Variants in VASN observed in about 807,000 individuals in gnomAD.
VASN encodes protein slit-like 2.
In VASN, 5 loss-of-function variants were observed where a neutral mutation model predicts 4.8. That is an observed-to-expected ratio of 1.03 (90% CI 0.54 to 2.17). The LOEUF (loss-of-function observed/expected upper bound fraction) is 2.17, where lower values mean the gene tolerates loss of function less well. Ranked by LOEUF, VASN falls within the 30% of genes most tolerant of loss-of-function variation. The probability of loss-of-function intolerance (pLI) is 0.01; values close to 1 mark genes in which losing one functional copy is unlikely to be tolerated. For synonymous variants in VASN, 499 were observed against 460.8 expected (o/e 1.08, Z -1.06); for missense variants, 927 against 948.8 (o/e 0.98, Z 0.30).
chr16:4,382,295 C>T lies in VASN; in HGVS notation c.1418C>T (p.Pro473Leu). 1 of 1,610,098 alleles carries T rather than the reference C, an allele frequency of 6.2e-7. No individual in the cohort carries two copies. Among genetic ancestry groups the T allele is most frequent in the Non-Finnish European group, 8.5e-7 (1 of 1,178,970 alleles). ...ACCCTGGGCATCGAGCCGGTGAGCCCCACCTCCCTGCGCGTGGGGCTGCAG... is the reference window on the plus strand; with the variant it reads ...ACCCTGGGCATCGAGCCGGTGAGCCTCACCTCCCTGCGCGTGGGGCTGCAG... ...SLTLGIEPVS[P>L]TSLRVGLQRY... The change falls in exon 2 of 2, where the codon CCC (proline) becomes CTC (leucine). Residue 473 changes from proline to leucine, a missense_variant. Transcript: ENST00000304735.
intron 1 of VASN, among the ~76,000 whole-genome samples, chr16:4,378,316 C>G (rs551107926): frequency 6.6e-6 from 1 of 151,950 alleles, no homozygotes; most frequent in African/African-American, 2.4e-5. Context: ...AAACGAGGCC[C>G]AAGGGGAGCT....
At chr16:4,374,314 G>A (rs886957050) in intron 1 of VASN, among the ~76,000 whole-genome samples, 6 of 152,198 alleles carry the variant, frequency 3.9e-5, no homozygotes, top group African/African-American at 9.6e-5. Flanking sequence ...CTGGGCCGCC[G>A]GCCTCCCCCG....
rs187797121 is a variant in VASN at position 4,379,550 on chromosome 16, C to T, written c.-9-1319C>T. Among the ~76,000 whole-genome samples, 282 of 152,250 alleles carry T rather than the reference C, an allele frequency of 1.9e-3. 1 individual carries two copies. The highest frequency in any genetic ancestry group is 3.5e-3 in the Non-Finnish European group (238 of 67,994). On this transcript the variant is annotated intron_variant, in intron 1 of 1. Transcript: ENST00000304735. ...TGCTGGCACCGCAATGGCAGCGAGTCCCTGCACCTCCATGAGCCCTGCTTT... is the reference window on the plus strand; with the variant it reads ...TGCTGGCACCGCAATGGCAGCGAGTTCCTGCACCTCCATGAGCCCTGCTTT...
Position 4,382,664 on chromosome 16 carries a change from C to G in VASN, c.1787C>G (p.Ala596Gly), listed in dbSNP as rs532997337. 30 of 1,552,008 alleles carry G rather than the reference C, an allele frequency of 1.9e-5. No homozygotes were observed. Among genetic ancestry groups the G allele is most frequent in the African/African-American group, 2.7e-5 (2 of 73,256 alleles). Residue 596 changes from alanine to glycine, a missense_variant, in exon 2 of 2, where the codon GCC becomes GGC. By Grantham distance (60) the Ala-to-Gly change is moderately conservative (BLOSUM62 0). Transcript: ENST00000304735. The part of the protein sequence containing the change: ...LLAALAAVGA[A>G]YCVRRGRAMA... ...GCCGCGCTGGCTGCGGTGGGGGCAG[C>G]CTACTGTGTGCGGCGGGGGCGGGCC...
At chr16:4,372,302 C>T (rs866620529) in intron 1 of VASN, among the ~76,000 whole-genome samples, 1 of 152,212 alleles carries the variant, frequency 6.6e-6, no homozygotes, top group African/African-American at 2.4e-5. Context: ...GCTGGGCCTC[C>T]GGCATGACCA....
Position 4,381,423 on chromosome 16 carries a change from G to A in VASN, c.546G>A (p.Leu182=). The A allele has an allele frequency of 2.5e-6, 4 of 1,582,686 alleles. No individual in the cohort carries two copies. Among genetic ancestry groups the A allele is most frequent in the Non-Finnish European group, 3.4e-6 (4 of 1,166,446 alleles). ...LLLDLSHNSL[L]ALEPGILDTA... Reference sequence around the variant, plus strand: ...TGGACCTCAGCCACAACAGCCTCCTGGCCCTGGAGCCCGGCATCCTGGACA... The same window carrying A: ...TGGACCTCAGCCACAACAGCCTCCTAGCCCTGGAGCCCGGCATCCTGGACA... The change falls in exon 2 of 2, where the codon CTG becomes CTA. Residue 182 remains leucine, a synonymous_variant. Transcript: ENST00000304735.
chr16:4,378,871 G>C (rs555346023), intron 1 of VASN, among the ~76,000 whole-genome samples: 1 of 152,052 alleles, frequency 6.6e-6, no homozygotes, highest in Non-Finnish European at 1.5e-5. Flanking sequence ...GCTTGTTGTC[G>C]CTAACTGGCT....
chr16:4,378,270 C>T (rs1347559588), intron 1 of VASN, among the ~76,000 whole-genome samples: 10 of 152,244 alleles, frequency 6.6e-5, no homozygotes, highest in Admixed American at 1.3e-4. Flanking sequence ...AGCACAGGGC[C>T]GCCTGCCTGG....
At chr16:4,377,504 C>T (rs969247559) in intron 1 of VASN, among the ~76,000 whole-genome samples, 29 of 152,348 alleles carry the variant, frequency 1.9e-4, no homozygotes, top group African/African-American at 6.5e-4. Context: ...AACAGAACAA[C>T]AGAAAACTAC....
chr16:4,378,288 G>A (rs745354189), intron 1 of VASN, among the ~76,000 whole-genome samples: 1 of 152,074 alleles, frequency 6.6e-6, no homozygotes, highest in African/African-American at 2.4e-5. Context: ...TGGAGTGAGC[G>A]CTCTTAACTG....
Position 4,382,644 on chromosome 16 carries a change from G to A in VASN, c.1767G>A (p.Ala589=), listed in dbSNP as rs140353738. ...CCCTGGCCGCGGTGCTCCTGGCCGC[G>A]CTGGCTGCGGTGGGGGCAGCCTACT... ...APALAAVLLA[A]LAAVGAAYCV... The change falls in exon 2 of 2, where the codon GCG becomes GCA. Residue 589 remains alanine, a synonymous_variant. Transcript: ENST00000304735. 908 of 1,556,644 alleles carry A rather than the reference G, an allele frequency of 5.8e-4. 9 individuals are homozygous for A. In the African/African-American group the frequency reaches 0.011, roughly 19 times the overall value.
At position 4,381,528 on chromosome 16, in the gene VASN, C is replaced by A. The variant is rs760886155; in HGVS notation, c.651C>A (p.Asn217Lys). ...AGGGGCTCTTCAGCCGCTTGCGCAACCTCCACGACCTGGATGTGTCCGACA... is the reference window on the plus strand; with the variant it reads ...AGGGGCTCTTCAGCCGCTTGCGCAAACTCCACGACCTGGATGTGTCCGACA... ...LDEGLFSRLR[N>K]LHDLDVSDNQ... The change falls in exon 2 of 2, where the codon AAC (asparagine) becomes AAA (lysine). Residue 217 changes from asparagine to lysine, a missense_variant. Coordinates refer to ENST00000304735, the MANE Select transcript of VASN (RefSeq NM_138440.3). 3 of 1,602,660 alleles carry A rather than the reference C, an allele frequency of 1.9e-6. No homozygotes were observed. The highest frequency in any genetic ancestry group is 2.6e-6 in the Non-Finnish European group (3 of 1,175,752).
At chr16:4,379,129 C>T (rs1169923289) in intron 1 of VASN, among the ~76,000 whole-genome samples, 1 of 152,130 alleles carries the variant, frequency 6.6e-6, no homozygotes, top group Non-Finnish European at 1.5e-5. Context: ...TCCCCCCAGC[C>T]TGGGGCGGAG....
At chr16:4,377,377 C>T (rs2054775782) in intron 1 of VASN, among the ~76,000 whole-genome samples, 2 of 152,144 alleles carry the variant, frequency 1.3e-5, no homozygotes. Flanking sequence ...CGGCGGCAAC[C>T]ACCGTGTGAC....
intron 1 of VASN, among the ~76,000 whole-genome samples, chr16:4,376,477 G>A (rs567772510): frequency 1.3e-5 from 2 of 152,294 alleles, no homozygotes; most frequent in South Asian, 2.1e-4. Flanking sequence ...CAGGAGGGGC[G>A]TACTGGCCTC....
intron 1 of VASN, among the ~76,000 whole-genome samples, chr16:4,380,186 C>T (rs2054902780): frequency 6.6e-6 from 1 of 152,290 alleles, no homozygotes; most frequent in African/African-American, 2.4e-5. Context: ...AGCTCTGTCA[C>T]CAGCCTCAGC....
In VASN at chr16:4,382,099, G is replaced by A; in HGVS notation, c.1222G>A (p.Asp408Asn). The A allele has an allele frequency of 6.3e-7, 1 of 1,585,370 alleles. No homozygotes were observed. The highest frequency in any genetic ancestry group is 8.6e-7 in the Non-Finnish European group (1 of 1,167,188). ...TGTAGGGCCTGTCCCCCAGCCCCAGGACTGCCCACCGTCCACCTGCCTCAA... is the reference window on the plus strand; with the variant it reads ...TGTAGGGCCTGTCCCCCAGCCCCAGAACTGCCCACCGTCCACCTGCCTCAA... ...PTVGPVPQPQ[D>N]CPPSTCLNGG... The change falls in exon 2 of 2, where the codon GAC becomes AAC. Residue 408 changes from aspartate (D) to asparagine (N), a missense_variant. Asp to Asn is a conservative substitution (Grantham distance 23). Coordinates refer to ENST00000304735, the MANE Select transcript of VASN (RefSeq NM_138440.3).
In VASN at chr16:4,381,352, G is replaced by A. The variant is rs749693749; in HGVS notation, c.475G>A (p.Glu159Lys). The change falls in exon 2 of 2, where the codon GAG becomes AAG. Residue 159 changes from glutamate (E) to lysine (K), a missense_variant. By Grantham distance (56) the Glu-to-Lys change is moderately conservative (BLOSUM62 1). Transcript: ENST00000304735. ...RLLELKLQDN[E>K]LRALPPLRLP... ...CCTGGAGCTCAAGCTGCAGGACAACGAGCTGCGGGCACTGCCCCCGCTGCG... is the reference window on the plus strand; with the variant it reads ...CCTGGAGCTCAAGCTGCAGGACAACAAGCTGCGGGCACTGCCCCCGCTGCG... 7 of 1,602,076 alleles carry A rather than the reference G, an allele frequency of 4.4e-6. No individual in the cohort carries two copies. Among genetic ancestry groups the A allele is most frequent in the East Asian group, 4.6e-5 (2 of 43,870 alleles).
Position 4,383,094 on chromosome 16 carries a change from G to A in VASN, c.*195G>A, listed in dbSNP as rs1036668600. 3.2e-6 allele frequency: 2 copies of A among 616,318 alleles called. No individual in the cohort carries two copies. Among genetic ancestry groups the A allele is most frequent in the African/African-American group, 1.9e-5 (1 of 51,754 alleles). 38.2% of individuals were successfully genotyped at this position (616,318 alleles called of 1,614,324 possible). Reference sequence around the variant, plus strand: ...TGTGAGATGCTGTGGCCCAGCTGACGAGCCCTAACGTCCCCAGAACCGAGT... The same window carrying A: ...TGTGAGATGCTGTGGCCCAGCTGACAAGCCCTAACGTCCCCAGAACCGAGT... On this transcript the variant is annotated 3_prime_UTR_variant, in exon 2 of 2. Transcript: ENST00000304735.
Sources: allele counts gnomAD v4.1 joint callset (sites outside exome capture counted in the v4.1 genomes callset), GRCh38; gene constraint gnomAD v4.1.1; transcripts MANE v1.5; gene names NCBI Gene and HGNC (gene_info 2026-07-23, HGNC 2026-07-21).